CADM2: variants seen among roughly 807,000 people sequenced by gnomAD.
CADM2 encodes cell adhesion molecule 2.
In CADM2, 12 loss-of-function variants were observed where a neutral mutation model predicts 49.8. The observed-to-expected ratio is 0.24, with a 90% confidence interval of 0.15 to 0.39. The LOEUF (loss-of-function observed/expected upper bound fraction) is 0.39, where lower values mean the gene tolerates loss of function less well. CADM2 is among the 10% of genes least tolerant of loss of function. The pLI is 1.00. For synonymous variants in CADM2, 214 were observed against 175.4 expected (o/e 1.22, Z -1.74); for missense variants, 378 against 492.3 (o/e 0.77, Z 2.20).
In CADM2 at chr3:85,489,559, C is replaced by T. The variant is rs148890317; in HGVS notation, c.62-236963C>T. On this transcript the variant is annotated intron_variant, in intron 1 of 9. Transcript: ENST00000383699. ...AGATAAAAAGAACTTTGCTAGATGA[C>T]GAGTTAGTGGGTGCAGCGCACCAGA... Among the ~76,000 whole-genome samples, 548 of 151,858 alleles carry T rather than the reference C, an allele frequency of 3.6e-3. 7 individuals are homozygous for T. Among genetic ancestry groups the T allele is most frequent in the African/African-American group, 0.012 (512 of 41,412 alleles).
chr3:85,883,254 T>C (rs374872864), intron 3 of CADM2, 37 bp from the exon 4 acceptor site: 71 of 1,565,242 alleles, frequency 4.5e-5, no homozygotes, highest in Non-Finnish European at 5.8e-5. Flanking sequence ...CTGTTTCTGA[T>C]GTCCTTATTT....
At chr3:85,861,945 C>T (rs1051672000) in intron 3 of CADM2, among the ~76,000 whole-genome samples, 1 of 152,038 alleles carries the variant, frequency 6.6e-6, no homozygotes, top group Admixed American at 6.6e-5. Flanking sequence ...TATTCACCTT[C>T]ATCACTTACC....
chr3:85,601,010 A>G (rs1419559802), intron 1 of CADM2, among the ~76,000 whole-genome samples: 1 of 150,438 alleles, frequency 6.6e-6, no homozygotes, highest in Non-Finnish European at 1.5e-5. Context: ...TAAATACCAT[A>G]TAAATCATTG....
chr3:85,953,410 A>G (rs147489751), intron 7 of CADM2, among the ~76,000 whole-genome samples: 5 of 151,008 alleles, frequency 3.3e-5, no homozygotes, highest in African/African-American at 1.2e-4. Flanking sequence ...CAATATTTAA[A>G]TTAATCTTTT....
intron 1 of CADM2, among the ~76,000 whole-genome samples, chr3:85,483,675 T>G (rs937712178): frequency 6.7e-6 from 1 of 150,264 alleles, no homozygotes; most frequent in African/African-American, 2.4e-5. Flanking sequence ...GATATATATT[T>G]TAGGAACATA....
intron 1 of CADM2, among the ~76,000 whole-genome samples, chr3:85,464,810 G>A (rs1197744940): frequency 6.6e-6 from 1 of 152,134 alleles, no homozygotes; most frequent in African/African-American, 2.4e-5. Context: ...ATGTCTTACA[G>A]TAATATTCTC....
chr3:85,560,540 T>C (rs1192694208), intron 1 of CADM2, among the ~76,000 whole-genome samples: 3 of 152,212 alleles, frequency 2.0e-5, no homozygotes, highest in Non-Finnish European at 4.4e-5. Context: ...AGGCAGACAT[T>C]CCACATGGAG....
chr3:85,590,177 A>T (rs2063065101), intron 1 of CADM2, among the ~76,000 whole-genome samples: 1 of 152,020 alleles, frequency 6.6e-6, no homozygotes, highest in Non-Finnish European at 1.5e-5. Flanking sequence ...TTTTTAGAAC[A>T]AATAGAGCCA....
intron 1 of CADM2, among the ~76,000 whole-genome samples, chr3:85,144,157 C>T (rs560150074): frequency 6.6e-6 from 1 of 152,158 alleles, no homozygotes; most frequent in South Asian, 2.1e-4. Flanking sequence ...CCAGACCATA[C>T]TCCTGACCCA....
intron 1 of CADM2, among the ~76,000 whole-genome samples, chr3:85,270,495 C>T (rs940853242): frequency 1.3e-5 from 2 of 151,344 alleles, no homozygotes; most frequent in Non-Finnish European, 3.0e-5. Flanking sequence ...AGAATACTAG[C>T]CTTATTTTAT....
At chr3:85,389,821 A>G (rs1351363791) in intron 1 of CADM2, among the ~76,000 whole-genome samples, 2 of 152,168 alleles carry the variant, frequency 1.3e-5, no homozygotes, top group Non-Finnish European at 2.9e-5. Flanking sequence ...AGCACTGACT[A>G]TTCATTTGAT....
chr3:85,322,683 T>A (rs910175002), intron 1 of CADM2, among the ~76,000 whole-genome samples: 1 of 152,236 alleles, frequency 6.6e-6, no homozygotes, highest in Non-Finnish European at 1.5e-5. Flanking sequence ...AAAGTATTTT[T>A]AAAAATTATT....
intron 1 of CADM2, among the ~76,000 whole-genome samples, chr3:85,291,158 C>T (rs905518833): frequency 5.9e-5 from 9 of 151,962 alleles, no homozygotes; most frequent in East Asian, 1.9e-4. Context: ...CCTCAGGAGC[C>T]GATGCGATCA....
At chr3:85,634,877 A>G (rs2064414257) in intron 1 of CADM2, among the ~76,000 whole-genome samples, 1 of 131,840 alleles carries the variant, frequency 7.6e-6, no homozygotes, top group Admixed American at 7.9e-5. Context: ...CAATTTTCAA[A>G]CAGAAAATTA....
At chr3:85,237,252 C>A (rs756703696) in intron 1 of CADM2, among the ~76,000 whole-genome samples, 2 of 151,818 alleles carry the variant, frequency 1.3e-5, no homozygotes, top group Non-Finnish European at 2.9e-5. Context: ...ATGAGATTAA[C>A]TTTTAGTCAT....
intron 1 of CADM2, among the ~76,000 whole-genome samples, chr3:85,644,383 C>T (rs1400566133): frequency 2.0e-5 from 3 of 152,156 alleles, no homozygotes; most frequent in Non-Finnish European, 2.9e-5. Context: ...GTTTCCAATA[C>T]AGCCACACTG....
At chr3:85,321,091 C>A (rs1416149759) in intron 1 of CADM2, among the ~76,000 whole-genome samples, 2 of 64,762 alleles carry the variant, frequency 3.1e-5, no homozygotes, top group East Asian at 5.1e-4. Context: ...TAGATATATA[C>A]ATATATATAT....
chr3:85,556,784 T>C (rs969088031), intron 1 of CADM2, among the ~76,000 whole-genome samples: 5 of 152,142 alleles, frequency 3.3e-5, no homozygotes, highest in African/African-American at 9.6e-5. Flanking sequence ...TTTGCATGCT[T>C]AGGCAACTAT....
intron 1 of CADM2, among the ~76,000 whole-genome samples, chr3:85,386,279 A>G (rs1054387429): frequency 6.6e-6 from 1 of 152,170 alleles, no homozygotes; most frequent in Non-Finnish European, 1.5e-5. Flanking sequence ...ATTTATAAAT[A>G]GGTAGAGATT....
Sources: allele counts gnomAD v4.1 joint callset (sites outside exome capture counted in the v4.1 genomes callset), GRCh38; gene constraint gnomAD v4.1.1; transcripts MANE v1.5; gene names NCBI Gene and HGNC (gene_info 2026-07-23, HGNC 2026-07-21).